INPP5B: variants seen among roughly 807,000 people sequenced by gnomAD.
INPP5B encodes the protein inositol polyphosphate-5-phosphatase B.
A neutral mutation model predicts 118.5 loss-of-function variants in INPP5B; 90 were observed. The observed-to-expected ratio is 0.76, with a 90% CI of 0.64 to 0.90. The LOEUF (loss-of-function observed/expected upper bound fraction) is 0.90, where lower values mean the gene tolerates loss of function less well. Among genes scored for constraint, INPP5B ranks in the 40% least tolerant of loss-of-function variants. INPP5B has a pLI of 0.00. For synonymous variants in INPP5B, 385 were observed against 418.9 expected (o/e 0.92, Z 0.99); for missense variants, 984 against 1,125.6 (o/e 0.87, Z 1.80).
intron 19 of INPP5B, among the ~76,000 whole-genome samples, chr1:37,871,705 C>T (rs1213870882): frequency 6.6e-6 from 1 of 151,490 alleles, no homozygotes; most frequent in Non-Finnish European, 1.5e-5. Context: ...GAGTTCAAGA[C>T]CAGCCTGGCC....
chr1:37,876,427 TAATA>T (rs745473192), intron 16 of INPP5B, among the ~76,000 whole-genome samples: 9 of 151,106 alleles, frequency 6.0e-5, no homozygotes, highest in Non-Finnish European at 8.9e-5. Context: ...CACAGATAGA[TAATA>T]AATAAATGAG....
intron 6 of INPP5B, among the ~76,000 whole-genome samples, chr1:37,934,877 T>G (rs1247372176): frequency 6.7e-6 from 1 of 150,106 alleles, no homozygotes; most frequent in African/African-American, 2.4e-5. Context: ...GTGCCTGCTA[T>G]CTGACAGGCG....
Position 37,865,858 on chromosome 1 carries a change from A to C in INPP5B, c.2417T>G (p.Leu806Arg). 2 of 1,613,588 alleles carry C rather than the reference A, an allele frequency of 1.2e-6. No homozygotes were observed. The highest frequency in any genetic ancestry group is 1.7e-6 in the Non-Finnish European group (2 of 1,179,656). ...SASNHSVAEA[L>R]LLFLESLPEP... ...TGGAAGGCTCTCCAGGAAAAGCAGC[A>C]GGGCTTCGGCTACAGAATGATTGCT... is the stretch of plus-strand genomic sequence containing the variant. Residue 806 changes from leucine to arginine, a missense_variant, in exon 22 of 24, where the codon CTG (leucine) becomes CGG (arginine). Leu to Arg is a moderately radical substitution (Grantham distance 102, BLOSUM62 -2). Coordinates refer to ENST00000373024, the MANE Select transcript of INPP5B (RefSeq NM_005540.3).
chr1:37,904,475 AC>A (rs1644438343), intron 7 of INPP5B, among the ~76,000 whole-genome samples: 4 of 152,330 alleles, frequency 2.6e-5, no homozygotes, highest in African/African-American at 9.6e-5. Flanking sequence ...GTGTGAACAT[AC>A]TGGCTAAAGT....
At chr1:37,890,082 T>C (rs1643753432) in intron 8 of INPP5B, among the ~76,000 whole-genome samples, 1 of 152,114 alleles carries the variant, frequency 6.6e-6, no homozygotes, top group South Asian at 2.1e-4. Flanking sequence ...GATTCAATCA[T>C]GTAATTGACA....
chr1:37,865,682 T>C, intron 22 of INPP5B, 79 bp downstream of exon 22: 1 of 1,497,492 alleles, frequency 6.7e-7, no homozygotes, highest in Non-Finnish European at 9.2e-7. Flanking sequence ...ATGCTGCACT[T>C]GAGGAACTGT....
At chr1:37,936,774 C>T (rs2148678263) in intron 6 of INPP5B, among the ~76,000 whole-genome samples, 1 of 149,146 alleles carries the variant, frequency 6.7e-6, no homozygotes, top group East Asian at 2.0e-4. Context: ...TATATGTTGG[C>T]CAGTCTGGTC....
Position 37,907,872 on chromosome 1 carries a change from A to T in INPP5B, c.533-16418T>A, listed in dbSNP as rs1372271733. On this transcript the variant is annotated intron_variant, in intron 7 of 23. Transcript: ENST00000373024. The surrounding 1 kb of genome is among the most constrained non-coding windows in gnomAD (Gnocchi z 4.3). ...TATCCCCTGTGACCTGCATGTATACATCCAGATGGCCTGAAGCAACTGAAG... is the reference window on the plus strand; with the variant it reads ...TATCCCCTGTGACCTGCATGTATACTTCCAGATGGCCTGAAGCAACTGAAG... Among the ~76,000 whole-genome samples, 2 of 152,178 alleles carry T rather than the reference A, an allele frequency of 1.3e-5. No homozygotes were observed. Among genetic ancestry groups the T allele is most frequent in the Non-Finnish European group, 2.9e-5 (2 of 68,018 alleles).
intron 23 of INPP5B, among the ~76,000 whole-genome samples, chr1:37,862,798 C>T (rs747062887): frequency 4.6e-5 from 7 of 152,138 alleles, no homozygotes; most frequent in African/African-American, 1.2e-4. Flanking sequence ...GAAGCCAAAG[C>T]GGGCAGATCA....
Position 37,873,032 on chromosome 1 carries a change from C to A in INPP5B, c.2085G>T (p.Val695=), listed in dbSNP as rs1570001575. Residue 695 remains valine (V), a synonymous_variant, in exon 19 of 24, where the codon GTG becomes GTT. Coordinates refer to ENST00000373024, the MANE Select transcript of INPP5B (RefSeq NM_005540.3). ...LDRGKDYFLS[V]SGNYLPSCFG... is the part of the protein sequence containing the mutation. ...AACAGCTGGGCAGGTAGTTCCCAGA[C>A]ACAGACAAAAAGTAATCCTTTCCCC... The A allele has an allele frequency of 1.9e-6, 3 of 1,614,144 alleles. No individual in the cohort carries two copies. The East Asian group carries it at 6.7e-5, about 36-fold the overall frequency.
chr1:37,871,798 G>A (rs1025295487), intron 19 of INPP5B, among the ~76,000 whole-genome samples: 3 of 151,868 alleles, frequency 2.0e-5, no homozygotes, highest in African/African-American at 7.2e-5. Flanking sequence ...TTGGGAGGCT[G>A]AGATGGGAGA....
intron 7 of INPP5B, chr1:37,930,046 A>T (rs915921951): frequency 1.6e-4 from 24 of 152,060 alleles, no homozygotes; most frequent in African/African-American, 5.6e-4. Flanking sequence ...CAAAATTTTT[A>T]AAACTATTTA....
chr1:37,876,811 C>T (rs1299991567), intron 16 of INPP5B, among the ~76,000 whole-genome samples: 3 of 150,774 alleles, frequency 2.0e-5, no homozygotes, highest in East Asian at 3.9e-4. Context: ...ACCTGGGAGG[C>T]GGAGCTTGCA....
At position 37,910,141 on chromosome 1, in the gene INPP5B, C is replaced by T. The variant is rs910633454; in HGVS notation, c.533-18687G>A. Among the ~76,000 whole-genome samples, 9 of 152,198 alleles carry T rather than the reference C, an allele frequency of 5.9e-5. No individual in the cohort carries two copies. In the South Asian group the frequency reaches 1.2e-3, roughly 21 times the overall value. The stretch of plus-strand genomic sequence containing the variant: ...CGGCTGAAGACTGACACTGCCCGAT[C>T]GCCTCGGAAGCCTACAGGACCATCA... On this transcript the variant is annotated intron_variant, in intron 7 of 23. Transcript: ENST00000373024.
intron 23 of INPP5B, among the ~76,000 whole-genome samples, chr1:37,863,712 C>CACACAA (rs1008138079): frequency 1.3e-5 from 2 of 151,518 alleles, no homozygotes; most frequent in Non-Finnish European, 1.5e-5. Flanking sequence ...CACACATGCA[C>CACACAA]ACACAAACAC....
intron 6 of INPP5B, among the ~76,000 whole-genome samples, chr1:37,936,513 C>T (rs949314334): frequency 6.6e-6 from 1 of 151,922 alleles, no homozygotes; most frequent in Non-Finnish European, 1.5e-5. Context: ...CCCAGCTACT[C>T]AGGAGGCTGA....
At chr1:37,898,228 A>G (rs771143506) in intron 7 of INPP5B, among the ~76,000 whole-genome samples, 5 of 152,206 alleles carry the variant, frequency 3.3e-5, no homozygotes, top group African/African-American at 9.7e-5. Context: ...AGACAAAACT[A>G]TAGAGACGGT....
chr1:37,873,101 C>A lies in INPP5B; in HGVS notation c.2016G>T (p.Ser672=). The A allele has an allele frequency of 5.0e-6, 8 of 1,614,116 alleles. No individual in the cohort carries two copies. Among genetic ancestry groups the A allele is most frequent in the Non-Finnish European group, 6.8e-6 (8 of 1,180,000 alleles). ...GAATGTCCTCAATTTTGTCTTCACC[C>A]GAGTTGAGCTTTGTAGCTGTCATCT... ...VNKMTATKLN[S]GEDKIEDILV... is the part of the protein sequence containing the mutation. The change falls in exon 19 of 24, where the codon TCG becomes TCT. Residue 672 remains serine (S), a synonymous_variant. Coordinates refer to ENST00000373024, the MANE Select transcript of INPP5B (RefSeq NM_005540.3).
chr1:37,927,190 G>C (rs1009640334), intron 7 of INPP5B, among the ~76,000 whole-genome samples: 1 of 152,112 alleles, frequency 6.6e-6, no homozygotes, highest in Non-Finnish European at 1.5e-5. Flanking sequence ...AGCTACTAGA[G>C]AGGCTAAGGC....
Sources: gnomAD v4.1 joint callset for allele counts (sites outside exome capture counted in the v4.1 genomes callset) on GRCh38, gnomAD v4.1.1 for gene constraint, Gnocchi (gnomAD v3.1) non-coding constraint, MANE v1.5 for transcripts, NCBI Gene and HGNC (gene_info 2026-07-23, HGNC 2026-07-21) for gene names.